Variants in RNF214 observed in about 807,000 individuals in gnomAD.
The protein encoded by RNF214 is ring finger protein 214.
Under a neutral mutation model 75.9 loss-of-function variants are expected in RNF214, and 25 were observed. The observed-to-expected ratio is 0.33, with a 90% confidence interval of 0.24 to 0.46. The LOEUF (loss-of-function observed/expected upper bound fraction) is 0.46, where lower values mean the gene tolerates loss of function less well. Among genes scored for constraint, RNF214 ranks in the 20% least tolerant of loss-of-function variants. The pLI, the probability that RNF214 is intolerant of heterozygous loss-of-function variation, is 1.00. For missense variants in RNF214, 725 were observed against 857.5 expected, an observed-to-expected ratio of 0.85 and a Z score of 1.93; for synonymous variants, 314 against 308.8, an observed-to-expected ratio of 1.02 and a Z score of -0.18.
chr11:117,286,207 T>G lies in RNF214; in HGVS notation c.*1056T>G, dbSNP rs1183353797. 1 of 152,628 alleles carries G rather than the reference T, an allele frequency of 6.6e-6. No individual in the cohort carries two copies. The highest frequency in any genetic ancestry group is 1.5e-5 in the Non-Finnish European group (1 of 68,032). 9.5% of individuals were successfully genotyped at this position (152,628 alleles called of 1,614,324 possible). On this transcript the variant is annotated 3_prime_UTR_variant, in exon 15 of 15. Coordinates refer to ENST00000300650, the MANE Select transcript of RNF214 (RefSeq NM_207343.4). ...GACATATTTCCTGTCCTGGGAAAAA[T>G]GGAGACCAAAGTGATATTAAGAAAG...
chr11:117,238,814 T>C lies in RNF214; in HGVS notation c.321T>C (p.Ser107=). ...GTCTTTCTGGCAGTGGGTCTCAGTC[T>C]GATTTGAAGGATGTGGCCAGCACAG... ...ALCLSGSGSQ[S]DLKDVASTAG... is the part of the protein sequence containing the mutation. The change falls in exon 3 of 15, where the codon TCT becomes TCC. Residue 107 remains serine, a synonymous_variant. Transcript: ENST00000300650. 6.2e-7 allele frequency: 1 copy of C among 1,614,200 alleles called. No individual in the cohort carries two copies. Among genetic ancestry groups the C allele is most frequent in the Non-Finnish European group, 8.5e-7 (1 of 1,180,038 alleles).
intron 6 of RNF214, among the ~76,000 whole-genome samples, chr11:117,273,085 C>T (rs968071517): frequency 1.3e-4 from 20 of 151,992 alleles, no homozygotes; most frequent in African/African-American, 4.8e-4. Flanking sequence ...ATATTGTTTA[C>T]ATTTTGTAAA....
intron 6 of RNF214, among the ~76,000 whole-genome samples, chr11:117,252,646 G>A (rs957497935): frequency 2.2e-4 from 33 of 151,448 alleles, no homozygotes; most frequent in African/African-American, 6.3e-4. Context: ...TCAGCCTCCC[G>A]AGTAGCTGGG....
intron 6 of RNF214, among the ~76,000 whole-genome samples, chr11:117,277,553 A>C (rs1373703718): frequency 6.6e-6 from 1 of 152,226 alleles, no homozygotes; most frequent in Non-Finnish European, 1.5e-5. Context: ...TATGTGGAGA[A>C]TTGGGTCAAA....
chr11:117,265,413 G>GT (rs921533538), intron 6 of RNF214, among the ~76,000 whole-genome samples: 14 of 150,654 alleles, frequency 9.3e-5, no homozygotes, highest in Admixed American at 2.0e-4. Flanking sequence ...AGTTGTTTTG[G>GT]TTTTTTTTTC....
chr11:117,283,338 G>A, intron 14 of RNF214, 128 bp downstream of exon 14: 1 of 661,872 alleles, frequency 1.5e-6, no homozygotes, highest in South Asian at 1.9e-5. Context: ...CTGTGTTGGT[G>A]CTCATCATTA....
chr11:117,271,123 C>G (rs1459342220), intron 6 of RNF214, among the ~76,000 whole-genome samples: 3 of 152,004 alleles, frequency 2.0e-5, no homozygotes, highest in Admixed American at 2.0e-4. Context: ...TGGTCTCAAA[C>G]TCCTGTGTTC....
intron 6 of RNF214, among the ~76,000 whole-genome samples, chr11:117,252,913 A>G (rs1301841825): frequency 6.6e-6 from 1 of 152,170 alleles, no homozygotes; most frequent in Non-Finnish European, 1.5e-5. Context: ...AAATTAAGGG[A>G]ATTTCACATT....
At chr11:117,264,355 G>C (rs1285783177) in intron 6 of RNF214, among the ~76,000 whole-genome samples, 2 of 151,918 alleles carry the variant, frequency 1.3e-5, no homozygotes, top group Non-Finnish European at 2.9e-5. Context: ...AGAGATGGCA[G>C]GTTTTCTTTA....
At chr11:117,244,178 G>A (rs1244901813) in intron 4 of RNF214, among the ~76,000 whole-genome samples, 2 of 151,716 alleles carry the variant, frequency 1.3e-5, no homozygotes, top group African/African-American at 4.8e-5. Flanking sequence ...TCCAGGTTTT[G>A]CCATGTTGCC....
At chr11:117,260,804 G>A (rs1222778966) in intron 6 of RNF214, among the ~76,000 whole-genome samples, 7 of 150,196 alleles carry the variant, frequency 4.7e-5, no homozygotes, top group East Asian at 4.0e-4. Flanking sequence ...ACAGGCATGC[G>A]CCACCACGCT....
At chr11:117,247,877 C>A (rs1231456228) in intron 6 of RNF214, among the ~76,000 whole-genome samples, 1,485 of 142,764 alleles carry the variant, frequency 0.01, 19 homozygotes, top group African/African-American at 0.025. Context: ...AAAAACAAAA[C>A]AAAAAAAAAC....
chr11:117,281,904 T>C lies in RNF214; in HGVS notation c.1346T>C (p.Met449Thr). The change falls in exon 11 of 15, where the codon ATG becomes ACG. Residue 449 changes from methionine (M) to threonine (T), a missense_variant. Physicochemically the swap from Met to Thr is moderately conservative, Grantham distance 81. Coordinates refer to ENST00000300650, the MANE Select transcript of RNF214 (RefSeq NM_207343.4). ...TCTTCTCCTCTGCAGACAGACTTCA[T>C]GCTTCAGGTGTTTCAACCCAGTCCC... ...LPPPPSETDF[M>T]LQVFQPSPSL... The C allele has an allele frequency of 1.2e-6, 2 of 1,613,342 alleles. No individual in the cohort carries two copies. Among genetic ancestry groups the C allele is most frequent in the Non-Finnish European group, 1.7e-6 (2 of 1,179,404 alleles).
chr11:117,266,010 G>T (rs889615112), intron 6 of RNF214, among the ~76,000 whole-genome samples: 7 of 152,046 alleles, frequency 4.6e-5, no homozygotes, highest in Non-Finnish European at 1.0e-4. Context: ...GTATATTTTT[G>T]AGATTCATCC....
intron 12 of RNF214, 33 bp downstream of exon 12, chr11:117,282,569 A>T (rs1392931586): frequency 1.2e-6 from 2 of 1,610,744 alleles, no homozygotes; most frequent in Middle Eastern, 1.7e-4. Flanking sequence ...GAACTTAGGC[A>T]TGTTGAGGGC....
intron 3 of RNF214, chr11:117,239,577 A>C (rs1177354828): frequency 2.4e-5 from 13 of 539,642 alleles, no homozygotes; most frequent in Non-Finnish European, 3.3e-5. Flanking sequence ...GCTTTCTCTC[A>C]GTCAGTCATT....
chr11:117,269,366 G>A (rs1223293631), intron 6 of RNF214, among the ~76,000 whole-genome samples: 1 of 152,158 alleles, frequency 6.6e-6, no homozygotes, highest in Non-Finnish European at 1.5e-5. Context: ...AACAAAAGTT[G>A]TCTTTCTTTT....
In RNF214 at chr11:117,278,261, G is replaced by A. The variant is rs190993702; in HGVS notation, c.960-1647G>A. Among the ~76,000 whole-genome samples the A allele has an allele frequency of 2.4e-3, 364 of 152,252 alleles. 1 individual carries two copies. Among genetic ancestry groups the A allele is most frequent in the African/African-American group, 8.5e-3 (354 of 41,554 alleles). ...GGAGGATGCCATGAGCCAAGATCAC[G>A]CCATTGCACTCTAGCCTGGGTGACA... On this transcript the variant is annotated intron_variant, in intron 6 of 14. Coordinates refer to ENST00000300650, the MANE Select transcript of RNF214 (RefSeq NM_207343.4).
chr11:117,272,553 A>G (rs1419412893), intron 6 of RNF214, among the ~76,000 whole-genome samples: 1 of 152,136 alleles, frequency 6.6e-6, no homozygotes, highest in African/African-American at 2.4e-5. Flanking sequence ...ATGTATACCT[A>G]TGTAACAAAC....
Sources: gnomAD v4.1 joint callset for allele counts (sites outside exome capture counted in the v4.1 genomes callset) on GRCh38, gnomAD v4.1.1 for gene constraint, MANE v1.5 for transcripts, NCBI Gene and HGNC (gene_info 2026-07-23, HGNC 2026-07-21) for gene names.